PRKN: variants seen among roughly 807,000 people sequenced by gnomAD.
PRKN encodes the protein parkin RBR E3 ubiquitin protein ligase, also known as E3 ubiquitin-protein ligase parkin.
In PRKN, 56 loss-of-function variants were observed where a neutral mutation model predicts 59.5. That is an observed-to-expected ratio of 0.94 (90% confidence interval 0.76 to 1.18). PRKN has a LOEUF of 1.18. Ranked by LOEUF, PRKN falls within the 50% of genes most tolerant of loss-of-function variation. The pLI is 0.00. For synonymous variants in PRKN, 250 were observed against 222.1 expected (o/e 1.13, Z -1.12); for missense variants, 657 against 596.4 (o/e 1.10, Z -1.06).
chr6:162,337,815 TG>T (rs1438164315), intron 2 of PRKN, among the ~76,000 whole-genome samples: 2 of 152,104 alleles, frequency 1.3e-5, no homozygotes, highest in Non-Finnish European at 2.9e-5. Context: ...AAAAGTACGC[TG>T]AAGAGACTGA....
At chr6:162,529,968 T>C (rs1162562326) in intron 1 of PRKN, among the ~76,000 whole-genome samples, 1 of 151,940 alleles carries the variant, frequency 6.6e-6, no homozygotes, top group East Asian at 1.9e-4. Flanking sequence ...CCGTCTCTAC[T>C]ACAAATACAA....
At chr6:161,501,079 T>A (rs1210746589) in intron 9 of PRKN, among the ~76,000 whole-genome samples, 1 of 152,130 alleles carries the variant, frequency 6.6e-6, no homozygotes, top group Non-Finnish European at 1.5e-5. Flanking sequence ...TTTCACCATA[T>A]TGCCAGGCTA....
intron 7 of PRKN, among the ~76,000 whole-genome samples, chr6:161,627,280 A>T (rs961796139): frequency 9.9e-5 from 15 of 152,240 alleles, no homozygotes; most frequent in African/African-American, 3.6e-4. Context: ...TTTTTGATAA[A>T]TAATTCAGCA....
At position 161,468,204 on chromosome 6, in the gene PRKN, C is replaced by T. The variant is rs560206538; in HGVS notation, c.1083+80650G>A. 6.6e-6 allele frequency among the ~76,000 whole-genome samples: 1 copy of T among 152,148 alleles called. No homozygotes were observed. The highest frequency in any genetic ancestry group is 1.9e-4 in the East Asian group (1 of 5,180). On this transcript the variant is annotated intron_variant, in intron 9 of 11. Coordinates refer to ENST00000366898, the MANE Select transcript of PRKN (RefSeq NM_004562.3). This position sits in a 1 kb window ranked among gnomAD's most constrained non-coding sequence, Gnocchi z 5.9. ...GCCAGGCTGGTCTTGAACTCCTGAC[C>T]TCAGGTGATCCGCCCGCCTCAACCT...
chr6:161,506,201 T>C (rs1233802662), intron 9 of PRKN, among the ~76,000 whole-genome samples: 2 of 152,020 alleles, frequency 1.3e-5, no homozygotes, highest in Non-Finnish European at 1.5e-5. Flanking sequence ...TTTAATTTCA[T>C]TGAGCAGTGG....
At chr6:162,270,458 C>A (rs1289908349) in intron 2 of PRKN, among the ~76,000 whole-genome samples, 5 of 152,114 alleles carry the variant, frequency 3.3e-5, no homozygotes, top group African/African-American at 1.2e-4. Flanking sequence ...CACAAATCAC[C>A]ACTAACTAAC....
At chr6:162,439,037 CACTG>C (rs1789922272) in intron 2 of PRKN, among the ~76,000 whole-genome samples, 1 of 152,126 alleles carries the variant, frequency 6.6e-6, no homozygotes, top group Non-Finnish European at 1.5e-5. Context: ...ACTTCCAGTT[CACTG>C]ACTCTTTTCT....
At chr6:161,837,209 G>A (rs1422012906) in intron 6 of PRKN, among the ~76,000 whole-genome samples, 1 of 152,024 alleles carries the variant, frequency 6.6e-6, no homozygotes, top group Non-Finnish European at 1.5e-5. Context: ...CAGCTTTCCC[G>A]AGAAACTGGT....
intron 3 of PRKN, among the ~76,000 whole-genome samples, chr6:162,260,060 TAC>T (rs1779820600): frequency 1.3e-5 from 2 of 152,162 alleles, no homozygotes; most frequent in South Asian, 2.1e-4. Flanking sequence ...AACATATCTT[TAC>T]AGAGGCCTTT....
intron 5 of PRKN, among the ~76,000 whole-genome samples, chr6:161,998,862 T>C (rs961768798): frequency 1.3e-5 from 2 of 152,134 alleles, no homozygotes; most frequent in East Asian, 1.9e-4. Context: ...GAAATCATAC[T>C]GTGGAAATAA....
chr6:162,574,247 T>C (rs1780465511), intron 1 of PRKN, among the ~76,000 whole-genome samples: 1 of 152,094 alleles, frequency 6.6e-6, no homozygotes, highest in South Asian at 2.1e-4. Flanking sequence ...AGCGTACAGT[T>C]AGATAAATAA....
chr6:162,114,019 A>C (rs1780558108), intron 4 of PRKN, among the ~76,000 whole-genome samples: 1 of 151,510 alleles, frequency 6.6e-6, no homozygotes. Context: ...AAGATCAGAT[A>C]GTTGTAGATA....
At position 161,749,825 on chromosome 6, in the gene PRKN, T is replaced by G. The variant is rs551271767; in HGVS notation, c.871+35947A>C. ...GCCATAAATTCTCCTTGTACTCCGT[T>G]GCTCCCCACCCACATTCACCCTGCA... On this transcript the variant is annotated intron_variant, in intron 7 of 11. Coordinates refer to ENST00000366898, the MANE Select transcript of PRKN (RefSeq NM_004562.3). 3.3e-5 allele frequency among the ~76,000 whole-genome samples: 5 copies of G among 152,204 alleles called. No homozygotes were observed. In the South Asian group the frequency reaches 1.0e-3, roughly 32 times the overall value.
rs1481521157 is a variant in PRKN, at chr6:162,472,703, G to C, written c.8-29230C>G. 1.6e-5 allele frequency among the ~76,000 whole-genome samples: 2 copies of C among 123,862 alleles called. 1 individual carries two copies. The highest frequency in any genetic ancestry group is 3.5e-5 in the Non-Finnish European group (2 of 57,518). 81.3% of individuals were successfully genotyped at this position (123,862 alleles called of 152,430 possible). A position where few individuals can be genotyped will look rare whatever the true frequency, so the allele number is the denominator to read the frequency against. On this transcript the variant is annotated intron_variant, in intron 1 of 11. Coordinates refer to ENST00000366898, the MANE Select transcript of PRKN (RefSeq NM_004562.3). ...AGACGGGGTTTCACCTTGTTAGCCA[G>C]GATGGTCTCGATCTCCTGACCTCAT...
intron 4 of PRKN, among the ~76,000 whole-genome samples, chr6:162,157,549 GA>G (rs1260450022): frequency 3.3e-5 from 5 of 150,808 alleles, no homozygotes; most frequent in Admixed American, 6.6e-5. Context: ...CCAGAGCTTA[GA>G]AAATGCTTCT....
chr6:162,580,051 T>C (rs13199223), intron 1 of PRKN, among the ~76,000 whole-genome samples: 15,581 of 152,194 alleles, frequency 0.1, 940 homozygotes, highest in Middle Eastern at 0.19. Flanking sequence ...TCCAGTCCCA[T>C]AGATGTGAAG....
rs1790142210 is a variant in PRKN at position 162,443,182 on chromosome 6, A to C, written c.171+128T>G. Reference sequence around the variant, plus strand: ...AGAATTAATGAAGCAGTGTGGAGTAAAGTTCAAGGAATCCCCAGGCACTAT... The same window carrying C: ...AGAATTAATGAAGCAGTGTGGAGTACAGTTCAAGGAATCCCCAGGCACTAT... On this transcript the variant is annotated intron_variant, in intron 2 of 11. Transcript: ENST00000366898. The C allele has an allele frequency of 1.1e-5, 10 of 908,554 alleles. No homozygotes were observed. In the South Asian group the frequency reaches 1.5e-4, roughly 14 times the overall value. The allele number at this position is 908,554 out of a possible 1,614,324, so 56.3% of individuals were successfully genotyped here.
At chr6:161,948,611 G>A (rs1199262516) in intron 6 of PRKN, among the ~76,000 whole-genome samples, 2 of 152,180 alleles carry the variant, frequency 1.3e-5, no homozygotes, top group Non-Finnish European at 2.9e-5. Context: ...TGGAAAATCA[G>A]ATAAACAGAG....
chr6:161,371,752 C>A lies in PRKN; in HGVS notation c.1168-11547G>T, dbSNP rs1464277755. On this transcript the variant is annotated intron_variant, in intron 10 of 11. Coordinates refer to ENST00000366898, the MANE Select transcript of PRKN (RefSeq NM_004562.3). This position sits in a 1 kb window ranked among gnomAD's most constrained non-coding sequence, Gnocchi z 5.5. ...CTCCTGGGTTCAAGCGATTCTCATG[C>A]CTCAGCCTCCTGAGTAGCTGGGATT... is the stretch of plus-strand genomic sequence containing the variant. Among the ~76,000 whole-genome samples the A allele has an allele frequency of 6.6e-6, 1 of 152,230 alleles. No homozygotes were observed. The highest frequency in any genetic ancestry group is 1.5e-5 in the Non-Finnish European group (1 of 68,056).
Sources: gnomAD v4.1 joint callset for allele counts (sites outside exome capture counted in the v4.1 genomes callset) on GRCh38, gnomAD v4.1.1 for gene constraint, Gnocchi (gnomAD v3.1) non-coding constraint, MANE v1.5 for transcripts, NCBI Gene and HGNC (gene_info 2026-07-23, HGNC 2026-07-21) for gene names.